MYH14: variants seen among roughly 807,000 people sequenced by gnomAD.
The protein encoded by MYH14 is myosin heavy chain 14, also known as myosin-14.
MYH14 carries 123 observed loss-of-function variants against 255.5 expected under a neutral mutation model. The observed-to-expected ratio is 0.48, with a 90% CI of 0.42 to 0.56. The LOEUF (loss-of-function observed/expected upper bound fraction) is 0.56, where lower values mean the gene tolerates loss of function less well. Among genes scored for constraint, MYH14 ranks in the 20% least tolerant of loss-of-function variants. The probability of loss-of-function intolerance (pLI) is 0.00; values close to 1 mark genes in which losing one functional copy is unlikely to be tolerated. For synonymous variants in MYH14, 1,095 were observed against 1,161.2 expected (o/e 0.94, Z 1.16); for missense variants, 2,423 against 2,802.3 (o/e 0.86, Z 3.06).
At chr19:50,287,362 G>A (rs2123440444) in intron 34 of MYH14, among the ~76,000 whole-genome samples, 1 of 152,336 alleles carries the variant, frequency 6.6e-6, no homozygotes, top group East Asian at 1.9e-4. Context: ...GCTCACATTT[G>A]TGTACACGGG....
At position 50,241,022 on chromosome 19, in the gene MYH14, T is replaced by C. The variant is rs542180662; in HGVS notation, c.1115-3220T>C. ...TGTAAGTGTTTGGAACAGGTTGTGG[T>C]ATGGAGGAAGTGAAAAATAAATCAA... On this transcript the variant is annotated intron_variant, in intron 10 of 42. Coordinates refer to ENST00000642316, the MANE Select transcript of MYH14 (RefSeq NM_001145809.2). 2.6e-5 allele frequency among the ~76,000 whole-genome samples: 4 copies of C among 152,218 alleles called. No homozygotes were observed. The East Asian group carries it at 5.8e-4, about 22-fold the overall frequency.
rs769116654 is a variant in MYH14 at position 50,223,042 on chromosome 19, A to G, written c.563-41A>G. ...AAGGGACCAGAGGGCCCTGCTAGAG[A>G]CTCTCTCAGATGACATATTCCCCCA... On this transcript the variant is annotated intron_variant, in intron 3 of 42. Coordinates refer to ENST00000642316, the MANE Select transcript of MYH14 (RefSeq NM_001145809.2). 11 of 1,597,540 alleles carry G rather than the reference A, an allele frequency of 6.9e-6. 1 individual carries two copies. In the South Asian group the frequency reaches 1.2e-4, roughly 18 times the overall value.
At chr19:50,258,177 G>T (rs139521592) in intron 18 of MYH14, among the ~76,000 whole-genome samples, 4 of 151,892 alleles carry the variant, frequency 2.6e-5, no homozygotes, top group African/African-American at 9.7e-5. Context: ...CGATCCACCC[G>T]CCTTGGCCTC....
chr19:50,279,238 T>C (rs907296342), intron 30 of MYH14, among the ~76,000 whole-genome samples: 3 of 152,208 alleles, frequency 2.0e-5, no homozygotes, highest in Non-Finnish European at 4.4e-5. Context: ...TCCTACTATA[T>C]ATGGGTGGCC....
At position 50,229,850 on chromosome 19, in the gene MYH14, G is replaced by A. The variant is rs74255811; in HGVS notation, c.875-675G>A. On this transcript the variant is annotated intron_variant, in intron 8 of 42. Transcript: ENST00000642316. ...TGCGGGTAACTTTGAACCAGGCATT[G>A]TTCAGGGTGCTTCATGCACAATAAG... Among the ~76,000 whole-genome samples, 77 of 152,238 alleles carry A rather than the reference G, an allele frequency of 5.1e-4. 2 individuals are homozygous for A. In the East Asian group the frequency reaches 0.012, roughly 23 times the overall value.
chr19:50,304,237 C>T (rs948063110), intron 40 of MYH14, among the ~76,000 whole-genome samples: 1 of 152,190 alleles, frequency 6.6e-6, no homozygotes, highest in African/African-American at 2.4e-5. Flanking sequence ...TTATATTATA[C>T]ATCAAATTTA....
At chr19:50,258,733 A>AC (rs2034692651) in intron 18 of MYH14, 10 of 46,554 alleles carry the variant, frequency 2.1e-4, no homozygotes, top group South Asian at 1.7e-3. Flanking sequence ...AAAAAAAAAA[A>AC]AAAAAAAAAA....
At position 50,301,142 on chromosome 19, in the gene MYH14, G is replaced by A. The variant is rs140510761; in HGVS notation, c.5470-519G>A. Among the ~76,000 whole-genome samples, 372 of 152,264 alleles carry A rather than the reference G, an allele frequency of 2.4e-3. 1 individual carries two copies. Among genetic ancestry groups the A allele is most frequent in the African/African-American group, 8.6e-3 (359 of 41,558 alleles). ...AGGGGTGTGTTTACACATTTTCCAC[G>A]TAGCAGCTACTGTTTATTGAGGCCG... On this transcript the variant is annotated intron_variant, in intron 39 of 42. Transcript: ENST00000642316.
chr19:50,303,107 AAAC>A (rs1321334809), intron 40 of MYH14, among the ~76,000 whole-genome samples: 4 of 152,212 alleles, frequency 2.6e-5, no homozygotes, highest in African/African-American at 4.8e-5. Context: ...TAGTGGCTTA[AAAC>A]AACAACCATT....
Position 50,259,237 on chromosome 19 carries a change from C to G in MYH14, c.2326C>G (p.Arg776Gly). ...CATCTGTCGCCAGGGCTTCCCCAAC[C>G]GCATCCTCTTCCAGGAGTTCCGGCA... is the stretch of plus-strand genomic sequence containing the variant. ...IRICRQGFPNRILFQEFRQRY... is the reference protein window; with the variant it reads ...IRICRQGFPNGILFQEFRQRY... Residue 776 changes from arginine to glycine, a missense_variant, in exon 19 of 43, where the codon CGC (arginine) becomes GGC (glycine). Arg to Gly is a moderately radical substitution (Grantham distance 125, BLOSUM62 -2). Around this residue, in one of 3 missense-constraint regions of MYH14, gnomAD observed 672 missense variants for 881.8 expected, o/e 0.76. Coordinates refer to ENST00000642316, the MANE Select transcript of MYH14 (RefSeq NM_001145809.2). 1 of 1,587,964 alleles carries G rather than the reference C, an allele frequency of 6.3e-7. No individual in the cohort carries two copies. Among genetic ancestry groups the G allele is most frequent in the Non-Finnish European group, 8.6e-7 (1 of 1,166,588 alleles).
In MYH14 at chr19:50,220,136, C is replaced by T. The variant is rs539735940; in HGVS notation, c.562+2365C>T. Among the ~76,000 whole-genome samples, 24 of 152,058 alleles carry T rather than the reference C, an allele frequency of 1.6e-4. No individual in the cohort carries two copies. The South Asian group carries it at 4.2e-3, about 26-fold the overall frequency. On this transcript the variant is annotated intron_variant, in intron 3 of 42. Transcript: ENST00000642316. Reference sequence around the variant, plus strand: ...TCATGGCTTCGAAACCCATCGGTGCCGCTCGCCATTTCCGTCCCGCACCCC... The same window carrying T: ...TCATGGCTTCGAAACCCATCGGTGCTGCTCGCCATTTCCGTCCCGCACCCC...
intron 27 of MYH14, among the ~76,000 whole-genome samples, chr19:50,275,250 T>C (rs1430280164): frequency 6.6e-6 from 1 of 152,114 alleles, no homozygotes; most frequent in African/African-American, 2.4e-5. Flanking sequence ...CAGTTGGTGC[T>C]GCCCCCAGAT....
At chr19:50,309,615 G>A (rs2036781659) in intron 42 of MYH14, 25 bp from the exon 43 acceptor site, 3 of 1,462,814 alleles carry the variant, frequency 2.1e-6, no homozygotes, top group Non-Finnish European at 2.8e-6. Flanking sequence ...TTTCATCTCT[G>A]TATCCTGGTC....
chr19:50,275,069 A>G (rs2035455351), intron 27 of MYH14, among the ~76,000 whole-genome samples: 1 of 152,024 alleles, frequency 6.6e-6, no homozygotes, highest in Admixed American at 6.6e-5. Context: ...TTTGTGCTTT[A>G]GTTATTTTTA....
intron 1 of MYH14, among the ~76,000 whole-genome samples, chr19:50,205,306 C>A (rs1038455709): frequency 2.6e-5 from 4 of 152,148 alleles, no homozygotes; most frequent in Non-Finnish European, 5.9e-5. Flanking sequence ...CCCCTGGCGC[C>A]GCCGCCGCCG....
intron 39 of MYH14, among the ~76,000 whole-genome samples, chr19:50,294,321 G>A (rs1444397332): frequency 6.6e-6 from 1 of 151,298 alleles, no homozygotes; most frequent in African/African-American, 2.4e-5. Flanking sequence ...TCCTGGTGGA[G>A]GTGATGCCTT....
rs1226177874 is a variant in MYH14, at chr19:50,309,746, C to A, written c.6067C>A (p.Pro2023Thr). The change falls in exon 43 of 43, where the codon CCA (proline) becomes ACA (threonine). Residue 2023 changes from proline (P) to threonine (T), a missense_variant. Pro to Thr is a conservative substitution (Grantham distance 38). Around this residue, in one of 3 missense-constraint regions of MYH14, gnomAD observed 1,513 missense variants for 1,674.8 expected, o/e 0.90. Coordinates refer to ENST00000642316, the MANE Select transcript of MYH14 (RefSeq NM_001145809.2). ...EAEEAQPGSG[P>T]SPEPEGSPPA... Reference sequence around the variant, plus strand: ...AGAGGAAGCACAGCCTGGGTCTGGGCCATCCCCGGAGCCTGAGGGGTCCCC... The same window carrying A: ...AGAGGAAGCACAGCCTGGGTCTGGGACATCCCCGGAGCCTGAGGGGTCCCC... 6.3e-7 allele frequency: 1 copy of A among 1,593,224 alleles called. No individual in the cohort carries two copies. Among genetic ancestry groups the A allele is most frequent in the Admixed American group, 1.8e-5 (1 of 56,970 alleles).
In MYH14 at chr19:50,268,381, C is replaced by T. The variant is rs760330697; in HGVS notation, c.3033+14C>T. ...CAGCACATACAGGTCTGGCCCCTTG[C>T]ATGCCCACCAGGCCACCCTCCAGAC... is the stretch of plus-strand genomic sequence containing the variant. On this transcript the variant is annotated intron_variant, in intron 24 of 42. Coordinates refer to ENST00000642316, the MANE Select transcript of MYH14 (RefSeq NM_001145809.2). 6.4e-7 allele frequency: 1 copy of T among 1,551,528 alleles called. No individual in the cohort carries two copies. The highest frequency in any genetic ancestry group is 8.7e-7 in the Non-Finnish European group (1 of 1,148,742).
At chr19:50,261,740 C>T in intron 21 of MYH14, 105 bp downstream of exon 21, 1 of 1,138,616 alleles carries the variant, frequency 8.8e-7, no homozygotes, top group Middle Eastern at 3.0e-4. Context: ...GGGTGCAGGG[C>T]TGAGGAGCAG....
Sources: allele counts gnomAD v4.1 joint callset (sites outside exome capture counted in the v4.1 genomes callset), GRCh38; gene constraint gnomAD v4.1.1; regional missense constraint gnomAD v4.1.1; transcripts MANE v1.5; gene names NCBI Gene and HGNC (gene_info 2026-07-23, HGNC 2026-07-21).